SLIT2: variants seen among roughly 807,000 people sequenced by gnomAD.
SLIT2 encodes slit guidance ligand 2.
SLIT2 carries 41 observed loss-of-function variants against 185.7 expected under a neutral mutation model. That is an observed-to-expected ratio of 0.22 (90% CI 0.17 to 0.29). SLIT2 has a LOEUF of 0.29. SLIT2 is among the 10% of genes least tolerant of loss of function. SLIT2 has a pLI of 1.00. For synonymous variants in SLIT2, 693 were observed against 680.2 expected (o/e 1.02, Z -0.29); for missense variants, 1,571 against 1,909.0 (o/e 0.82, Z 3.30).
chr4:20,550,778 A>G (rs367726605), intron 24 of SLIT2, 49 bp from the exon 25 acceptor site: 10 of 1,139,992 alleles, frequency 8.8e-6, no homozygotes, highest in African/African-American at 3.1e-5. Flanking sequence ...TCTGGAGTCT[A>G]TGAGTTCAGA....
intron 4 of SLIT2, among the ~76,000 whole-genome samples, chr4:20,409,808 T>A (rs1317936859): frequency 6.6e-6 from 1 of 152,242 alleles, no homozygotes; most frequent in Non-Finnish European, 1.5e-5. Context: ...AATTTGCATT[T>A]CTCTAATGAT....
At chr4:20,367,063 G>T (rs1432418965) in intron 4 of SLIT2, among the ~76,000 whole-genome samples, 1 of 151,926 alleles carries the variant, frequency 6.6e-6, no homozygotes, top group Non-Finnish European at 1.5e-5. Context: ...CTTCCCAAAG[G>T]GTTGAGATTA....
intron 5 of SLIT2, among the ~76,000 whole-genome samples, 165 bp downstream of exon 5, chr4:20,467,988 G>A (rs1560448623): frequency 6.6e-6 from 1 of 152,108 alleles, no homozygotes; most frequent in African/African-American, 2.4e-5. Context: ...TTCACAAGCT[G>A]TTTGACGAGA....
chr4:20,551,654 G>T (rs986607354), intron 25 of SLIT2, among the ~76,000 whole-genome samples: 1 of 152,080 alleles, frequency 6.6e-6, no homozygotes, highest in Non-Finnish European at 1.5e-5. Flanking sequence ...GTGCTTGGTG[G>T]CAACTATCTA....
chr4:20,512,210 G>A (rs1719821858), intron 11 of SLIT2, among the ~76,000 whole-genome samples: 1 of 152,170 alleles, frequency 6.6e-6, no homozygotes, highest in African/African-American at 2.4e-5. Context: ...CAGAGGTCAG[G>A]GGTAGCCAAT....
intron 4 of SLIT2, among the ~76,000 whole-genome samples, chr4:20,463,733 G>A (rs1218721261): frequency 6.6e-5 from 10 of 150,596 alleles, no homozygotes; most frequent in South Asian, 2.1e-4. Context: ...AAAATTAGCC[G>A]GGCTTGGTGG....
chr4:20,472,385 T>TATCTATATATA lies in SLIT2; in HGVS notation c.467+4562_467+4563insATCTATATATA, dbSNP rs1560453709. On this transcript the variant is annotated intron_variant, in intron 5 of 36. Coordinates refer to ENST00000504154, the MANE Select transcript of SLIT2 (RefSeq NM_004787.4). The stretch of plus-strand genomic sequence containing the variant: ...ATATAGATATCTATATCTATATATA[T>TATCTATATATA]GTAGATATATAGATATAGATATCTA... Among the ~76,000 whole-genome samples the TATCTATATATA allele has an allele frequency of 7.1e-4, 28 of 39,254 alleles. 1 individual carries two copies. Among genetic ancestry groups the TATCTATATATA allele is most frequent in the South Asian group, 2.5e-3 (2 of 796 alleles). The allele number at this position is 39,254 out of a possible 152,430, so 25.8% of individuals were successfully genotyped here.
At chr4:20,501,708 T>G (rs886667353) in intron 9 of SLIT2, among the ~76,000 whole-genome samples, 4 of 152,206 alleles carry the variant, frequency 2.6e-5, no homozygotes, top group Admixed American at 2.6e-4. Context: ...GATGAAACCA[T>G]GCATGTAGTT....
At chr4:20,278,978 T>C (rs1321072530) in intron 4 of SLIT2, among the ~76,000 whole-genome samples, 1 of 152,210 alleles carries the variant, frequency 6.6e-6, no homozygotes, top group Non-Finnish European at 1.5e-5. Flanking sequence ...TGTGCTTTTA[T>C]ACGGAGAAAG....
intron 25 of SLIT2, 91 bp downstream of exon 25, chr4:20,550,989 C>T (rs1723698313): frequency 7.3e-6 from 5 of 682,730 alleles, no homozygotes; most frequent in South Asian, 2.0e-5. Flanking sequence ...TTTACTGTAA[C>T]ATCATAAGAT....
intron 26 of SLIT2, among the ~76,000 whole-genome samples, chr4:20,563,251 T>C (rs1724836297): frequency 6.6e-6 from 1 of 151,882 alleles, no homozygotes; most frequent in South Asian, 2.1e-4. Flanking sequence ...TCACCTCGAC[T>C]GTTCTCCTTC....
At chr4:20,262,632 T>G (rs986635150) in intron 3 of SLIT2, among the ~76,000 whole-genome samples, 3 of 151,868 alleles carry the variant, frequency 2.0e-5, no homozygotes, top group African/African-American at 7.2e-5. Context: ...TCTTGGAAAG[T>G]CTCTTTAAAG....
At chr4:20,373,739 C>A (rs1161417325) in intron 4 of SLIT2, among the ~76,000 whole-genome samples, 1 of 151,990 alleles carries the variant, frequency 6.6e-6, no homozygotes, top group Non-Finnish European at 1.5e-5. Flanking sequence ...AATTGCATAT[C>A]CTGCAGGAGC....
chr4:20,303,584 C>A (rs1193344760), intron 4 of SLIT2, among the ~76,000 whole-genome samples: 1 of 152,014 alleles, frequency 6.6e-6, no homozygotes, highest in Non-Finnish European at 1.5e-5. Flanking sequence ...ATAGAAAATG[C>A]CTTGTGGTGT....
At position 20,540,671 on chromosome 4, in the gene SLIT2, G is replaced by T. The variant is rs75976013; in HGVS notation, c.1977-782G>T. Among the ~76,000 whole-genome samples the T allele has an allele frequency of 4.4e-3, 668 of 152,226 alleles. 4 individuals carry two copies. Among genetic ancestry groups the T allele is most frequent in the African/African-American group, 0.015 (635 of 41,518 alleles). ...CAAATCTACTAATCTAACTTAAAAG[G>T]AGGGGAATAAAGATAGAGAAAAAAG... On this transcript the variant is annotated intron_variant, in intron 19 of 36. Coordinates refer to ENST00000504154, the MANE Select transcript of SLIT2 (RefSeq NM_004787.4).
At chr4:20,292,192 A>G (rs1423665221) in intron 4 of SLIT2, among the ~76,000 whole-genome samples, 1 of 152,070 alleles carries the variant, frequency 6.6e-6, no homozygotes, top group Non-Finnish European at 1.5e-5. Context: ...TAGATCTAAA[A>G]CAACCTCTTC....
At chr4:20,554,558 T>C (rs1350987367) in intron 26 of SLIT2, among the ~76,000 whole-genome samples, 1 of 152,192 alleles carries the variant, frequency 6.6e-6, no homozygotes, top group Middle Eastern at 3.2e-3. Flanking sequence ...TAGAAAAATA[T>C]GAATAATAAG....
chr4:20,398,823 T>G (rs987989979), intron 4 of SLIT2, among the ~76,000 whole-genome samples: 6 of 151,868 alleles, frequency 4.0e-5, no homozygotes, highest in African/African-American at 1.4e-4. Flanking sequence ...TGTTAACATT[T>G]GTGATATATT....
intron 4 of SLIT2, among the ~76,000 whole-genome samples, chr4:20,343,933 C>T (rs1048156773): frequency 6.6e-6 from 1 of 151,936 alleles, no homozygotes; most frequent in African/African-American, 2.4e-5. Context: ...TCACTGTAAC[C>T]TCCGCCTCCT....
Sources: gnomAD v4.1 joint callset for allele counts (sites outside exome capture counted in the v4.1 genomes callset) on GRCh38, gnomAD v4.1.1 for gene constraint, MANE v1.5 for transcripts, NCBI Gene and HGNC (gene_info 2026-07-23, HGNC 2026-07-21) for gene names.